The following GOLGB1 variants were observed in gnomAD, a reference collection of about 807,000 sequenced individuals.
GOLGB1 encodes the protein golgin subfamily B member 1.
A neutral mutation model predicts 336.9 loss-of-function variants in GOLGB1; 174 were observed. The ratio of observed to expected loss-of-function variants is 0.52; its 90% CI spans 0.46 to 0.59. The LOEUF is 0.59. Ranked by LOEUF, GOLGB1 falls within the 20% of genes least tolerant of loss-of-function variation. GOLGB1 has a pLI of 0.00. For synonymous variants in GOLGB1, 1,208 were observed against 1,289.2 expected (o/e 0.94, Z 1.35); for missense variants, 3,331 against 3,645.3 (o/e 0.91, Z 2.22).
chr3:121,749,958 C>G (rs1207947354), upstream of GOLGB1, among the ~76,000 whole-genome samples: 2 of 152,164 alleles, frequency 1.3e-5, no homozygotes, highest in Non-Finnish European at 2.9e-5. Context: ...CGAGTAGGTG[C>G]CCCGGAACAA....
intron 3 of GOLGB1, 59 bp from the exon 4 acceptor site, chr3:121,729,399 T>C: frequency 7.8e-7 from 1 of 1,285,548 alleles, no homozygotes; most frequent in Non-Finnish European, 1.1e-6. Context: ...ATCTAGCACA[T>C]ACTAAAAGTT....
intron 12 of GOLGB1, among the ~76,000 whole-genome samples, chr3:121,699,532 A>G (rs1943218284): frequency 6.6e-6 from 1 of 152,170 alleles, no homozygotes; most frequent in South Asian, 2.1e-4. Context: ...ATGAACAAAG[A>G]AGTTGAGATA....
In GOLGB1 at chr3:121,696,858, T is replaced by A; in HGVS notation, c.3665A>T (p.Glu1222Val). 6.2e-7 allele frequency: 1 copy of A among 1,614,180 alleles called. No homozygotes were observed. Among genetic ancestry groups the A allele is most frequent in the African/African-American group, 1.3e-5 (1 of 75,050 alleles). Residue 1222 changes from glutamate to valine, a missense_variant, in exon 13 of 22, where the codon GAA becomes GTA. Physicochemically the swap from Glu to Val is moderately radical, Grantham distance 121 (BLOSUM62 -2). Coordinates refer to ENST00000614479, the MANE Select transcript of GOLGB1 (RefSeq NM_001366282.2). ...TTCCTTGCTTTGCTCATCAAACTGT[T>A]CTTGCAAGCGATTATAGTCATCTTT... ...QQKDDYNRLQ[E>V]QFDEQSKENE...
chr3:121,726,869 G>A, intron 5 of GOLGB1, 44 bp downstream of exon 5: 1 of 1,441,242 alleles, frequency 6.9e-7, no homozygotes, highest in Non-Finnish European at 9.3e-7. Flanking sequence ...ATTGGTTTTA[G>A]TGATTCATTA....
chr3:121,729,092 C>T (rs1334172582), intron 4 of GOLGB1, 96 bp downstream of exon 4: 1 of 815,458 alleles, frequency 1.2e-6, no homozygotes, highest in African/African-American at 1.8e-5. Flanking sequence ...AGTGCTGTAT[C>T]ATTTTAGCAT....
chr3:121,677,087 C>A, intron 16 of GOLGB1, 57 bp from the exon 17 acceptor site: 1 of 1,601,934 alleles, frequency 6.2e-7, no homozygotes, highest in Non-Finnish European at 8.5e-7. Flanking sequence ...TGCTTAATTC[C>A]TTCCCTCTAG....
At position 121,712,155 on chromosome 3, in the gene GOLGB1, A is replaced by T. The variant is rs1402660122; in HGVS notation, c.1404+2706T>A. ...ATAACAGAACAGAAAATTCAGAAAT[A>T]GATGTATTAGTCTTTGATTTGCAAC... On this transcript the variant is annotated intron_variant, in intron 10 of 21. Transcript: ENST00000614479. 6.6e-5 allele frequency among the ~76,000 whole-genome samples: 10 copies of T among 152,226 alleles called. No homozygotes were observed. The East Asian group carries it at 1.9e-3, about 29-fold the overall frequency.
chr3:121,689,074 G>A (rs1942134286), intron 14 of GOLGB1, among the ~76,000 whole-genome samples: 2 of 145,244 alleles, frequency 1.4e-5, no homozygotes, highest in South Asian at 4.5e-4. Context: ...GGGGGGGTCA[G>A]CCCCCCGCCC....
At chr3:121,744,722 C>T (rs1013536977) in intron 1 of GOLGB1, among the ~76,000 whole-genome samples, 3 of 150,696 alleles carry the variant, frequency 2.0e-5, no homozygotes, top group African/African-American at 4.9e-5. Context: ...AAAATATGTA[C>T]ATTTTAAGAA....
At chr3:121,737,821 TA>T (rs2108361900) in intron 1 of GOLGB1, among the ~76,000 whole-genome samples, 1 of 152,308 alleles carries the variant, frequency 6.6e-6, no homozygotes, top group East Asian at 1.9e-4. Context: ...GTTTTTTTAA[TA>T]GATTGTCTTG....
At chr3:121,747,138 T>C (rs116719485) in intron 1 of GOLGB1, among the ~76,000 whole-genome samples, 1,935 of 126,984 alleles carry the variant, frequency 0.015, 33 homozygotes, top group Non-Finnish European at 0.027. Context: ...CTAAGATATA[T>C]ATACATGGAT....
chr3:121,664,748 CAG>C (rs905629835), intron 21 of GOLGB1, 134 bp from the exon 22 acceptor site: 1 of 915,322 alleles, frequency 1.1e-6, no homozygotes. Context: ...AAAGTTGCCT[CAG>C]AGTCAACAAC....
chr3:121,731,264 T>C (rs961870920), intron 1 of GOLGB1, among the ~76,000 whole-genome samples: 5 of 152,250 alleles, frequency 3.3e-5, no homozygotes, highest in African/African-American at 9.6e-5. Context: ...CAATGTTAAA[T>C]ACCAATCTAT....
chr3:121,664,437 T>G lies in GOLGB1; in HGVS notation c.*43A>C. ...TGTTCTGATGTTAGAGGTGAGAGAA[T>G]TCCAAGTTTTGAGGGGAGTGGTCCA... On this transcript the variant is annotated 3_prime_UTR_variant, in exon 22 of 22. Coordinates refer to ENST00000614479, the MANE Select transcript of GOLGB1 (RefSeq NM_001366282.2). The G allele has an allele frequency of 1.3e-6, 2 of 1,561,118 alleles. No individual in the cohort carries two copies. The highest frequency in any genetic ancestry group is 4.5e-5 in the East Asian group (2 of 44,540).
Position 121,737,978 on chromosome 3 carries a change from T to C in GOLGB1, c.-2-7005A>G, listed in dbSNP as rs897417030. ...CAACACAGTGTCATACATGAGTACA[T>C]AGGGCCATATATAACTATTTATTCA... On this transcript the variant is annotated intron_variant, in intron 1 of 21. Transcript: ENST00000614479. Among the ~76,000 whole-genome samples, 5 of 152,282 alleles carry C rather than the reference T, an allele frequency of 3.3e-5. No individual in the cohort carries two copies. In the East Asian group the frequency reaches 9.6e-4, roughly 29 times the overall value.
intron 10 of GOLGB1, among the ~76,000 whole-genome samples, chr3:121,702,873 T>C (rs1422711736): frequency 1.3e-5 from 2 of 152,166 alleles, no homozygotes; most frequent in Non-Finnish European, 2.9e-5. Flanking sequence ...CCCAAGTCTA[T>C]AGCATAAGAA....
At chr3:121,681,918 C>A in intron 14 of GOLGB1, 53 bp from the exon 15 acceptor site, 6 of 1,269,916 alleles carry the variant, frequency 4.7e-6, no homozygotes, top group Non-Finnish European at 6.8e-6. Context: ...ATTCATCTAA[C>A]TGTAAGTCAT....
Position 121,691,922 on chromosome 3 carries a change from A to G in GOLGB1, c.7442T>C (p.Ile2481Thr). The change falls in exon 14 of 22, where the codon ATA (isoleucine) becomes ACA (threonine). Residue 2481 changes from isoleucine to threonine, a missense_variant. Physicochemically the swap from Ile to Thr is moderately conservative, Grantham distance 89. Coordinates refer to ENST00000614479, the MANE Select transcript of GOLGB1 (RefSeq NM_001366282.2). ...MSSLQNDRDR[I>T]VGDYQQLEER... ...TTCCAGCTGTTGATAGTCACCCACTATGCGGTCTCGATCATTTTGGAGAGA... is the reference window on the plus strand; with the variant it reads ...TTCCAGCTGTTGATAGTCACCCACTGTGCGGTCTCGATCATTTTGGAGAGA... 3 of 1,614,218 alleles carry G rather than the reference A, an allele frequency of 1.9e-6. No homozygotes were observed. The highest frequency in any genetic ancestry group is 1.3e-5 in the African/African-American group (1 of 75,082).
At chr3:121,685,678 C>T (rs1423559306) in intron 14 of GOLGB1, among the ~76,000 whole-genome samples, 2 of 151,848 alleles carry the variant, frequency 1.3e-5, no homozygotes, top group Non-Finnish European at 2.9e-5. Context: ...AACAAAGAGC[C>T]AAAAATGCAA....
Sources: allele counts gnomAD v4.1 joint callset (sites outside exome capture counted in the v4.1 genomes callset), GRCh38; gene constraint gnomAD v4.1.1; transcripts MANE v1.5; gene names NCBI Gene and HGNC (gene_info 2026-07-23, HGNC 2026-07-21).